Variants in MCF2L2 observed in about 807,000 individuals in gnomAD.
MCF2L2 encodes probable guanine nucleotide exchange factor MCF2L2.
Under a neutral mutation model 150.2 loss-of-function variants are expected in MCF2L2, and 102 were observed. The observed-to-expected ratio is 0.68, with a 90% CI of 0.58 to 0.80. The LOEUF (loss-of-function observed/expected upper bound fraction) is 0.80. Ranked by LOEUF, MCF2L2 falls within the 30% of genes least tolerant of loss-of-function variation. The pLI is 0.00. For missense variants in MCF2L2, 1,256 were observed against 1,372.8 expected, an observed-to-expected ratio of 0.91 and a Z score of 1.34; for synonymous variants, 465 against 491.3, an observed-to-expected ratio of 0.95 and a Z score of 0.71.
At chr3:183,317,937 A>G in intron 7 of MCF2L2, 131 bp downstream of exon 7, 1 of 1,121,038 alleles carries the variant, frequency 8.9e-7, no homozygotes, top group Non-Finnish European at 1.3e-6. Flanking sequence ...TAAGATGATC[A>G]GTGGCTTCCA....
chr3:183,426,030 C>T (rs1299103792), intron 1 of MCF2L2, among the ~76,000 whole-genome samples: 2 of 152,018 alleles, frequency 1.3e-5, no homozygotes, highest in African/African-American at 4.8e-5. Context: ...TAATGAGTAC[C>T]CCACCCATTT....
intron 22 of MCF2L2, among the ~76,000 whole-genome samples, chr3:183,211,921 A>G (rs1722737463): frequency 6.6e-6 from 1 of 152,160 alleles, no homozygotes; most frequent in South Asian, 2.1e-4. Context: ...CCCTCAAAAT[A>G]TGATCTTATT....
intron 1 of MCF2L2, among the ~76,000 whole-genome samples, chr3:183,425,722 G>A (rs1405566768): frequency 1.3e-5 from 2 of 152,098 alleles, no homozygotes; most frequent in Non-Finnish European, 2.9e-5. Flanking sequence ...CAAGGCCAAG[G>A]CAGACGGATC....
At chr3:183,180,009 A>C in intron 28 of MCF2L2, 62 bp downstream of exon 28, 2 of 1,280,610 alleles carry the variant, frequency 1.6e-6, no homozygotes, top group Non-Finnish European at 2.3e-6. Context: ...GACAGGAGGC[A>C]GGAGGAGCTG....
chr3:183,218,406 G>C (rs1289846135), intron 21 of MCF2L2, among the ~76,000 whole-genome samples: 3 of 152,162 alleles, frequency 2.0e-5, no homozygotes, highest in South Asian at 4.2e-4. Context: ...GAGGCCGAGG[G>C]GGGGAGTGGA....
At chr3:183,302,668 C>T (rs1013490817) in intron 10 of MCF2L2, among the ~76,000 whole-genome samples, 6 of 152,110 alleles carry the variant, frequency 3.9e-5, no homozygotes, top group African/African-American at 1.2e-4. Flanking sequence ...ATACGGCTTA[C>T]GGCTGGTCAC....
At chr3:183,262,171 T>G (rs1264730376) in intron 15 of MCF2L2, among the ~76,000 whole-genome samples, 9 of 150,916 alleles carry the variant, frequency 6.0e-5, no homozygotes, top group African/African-American at 2.2e-4. Context: ...TCTTGTTTTA[T>G]GATACTTTAT....
At chr3:183,263,884 A>G (rs1298913177) in intron 15 of MCF2L2, among the ~76,000 whole-genome samples, 2 of 151,586 alleles carry the variant, frequency 1.3e-5, no homozygotes, top group Non-Finnish European at 2.9e-5. Flanking sequence ...TAGGTCTTTG[A>G]TTTTCTTGAA....
intron 15 of MCF2L2, among the ~76,000 whole-genome samples, chr3:183,256,294 G>C (rs1171558575): frequency 6.6e-6 from 1 of 152,148 alleles, no homozygotes; most frequent in Non-Finnish European, 1.5e-5. Flanking sequence ...ATCTCTGTGA[G>C]CGAAGATGTA....
Position 183,178,423 on chromosome 3 carries a change from A to T in MCF2L2, c.*957T>A. On this transcript the variant is annotated 3_prime_UTR_variant, in exon 30 of 30. Coordinates refer to ENST00000328913, the MANE Select transcript of MCF2L2 (RefSeq NM_015078.4). ...AGGCGGTTTGCAGTGAGCCGAGATC[A>T]CACCACTGCACTCCAGCCTGGGCGA... 6.6e-6 allele frequency: 1 copy of T among 152,124 alleles called. No individual in the cohort carries two copies. The highest frequency in any genetic ancestry group is 1.5e-5 in the Non-Finnish European group (1 of 68,012). The allele number at this position is 152,124 out of a possible 1,614,324, so 9.4% of individuals were successfully genotyped here.
In MCF2L2 at chr3:183,338,840, C is replaced by A; in HGVS notation, c.446G>T (p.Gly149Val). ...RFIQRTFTDI[G>V]IKYYRNEFKT... ...AAACTCATTTCGATAGTATTTAATG[C>A]CAATGTCAGTGAATGTCCTCTGGAT... Residue 149 changes from glycine (G) to valine (V), a missense_variant, in exon 5 of 30, where the codon GGC becomes GTC. Coordinates refer to ENST00000328913, the MANE Select transcript of MCF2L2 (RefSeq NM_015078.4). 1 of 1,605,732 alleles carries A rather than the reference C, an allele frequency of 6.2e-7. No homozygotes were observed. Among genetic ancestry groups the A allele is most frequent in the South Asian group, 1.1e-5 (1 of 90,236 alleles).
intron 20 of MCF2L2, among the ~76,000 whole-genome samples, chr3:183,221,391 G>A (rs1376630201): frequency 1.3e-5 from 2 of 152,208 alleles, no homozygotes; most frequent in Non-Finnish European, 2.9e-5. Flanking sequence ...TTCTATAGGT[G>A]AGAAATCTGA....
intron 1 of MCF2L2, among the ~76,000 whole-genome samples, chr3:183,395,306 C>T (rs1187188537): frequency 6.6e-6 from 1 of 151,916 alleles, no homozygotes; most frequent in Non-Finnish European, 1.5e-5. Context: ...GTCAAGGACA[C>T]AAAAATCCTA....
chr3:183,203,178 A>G (rs1385652888), intron 25 of MCF2L2, among the ~76,000 whole-genome samples: 3 of 152,126 alleles, frequency 2.0e-5, no homozygotes, highest in Non-Finnish European at 2.9e-5. Flanking sequence ...ATGCCATTGC[A>G]CTCCAGCCTG....
At chr3:183,407,937 A>G (rs78849496) in intron 1 of MCF2L2, among the ~76,000 whole-genome samples, 24,938 of 152,062 alleles carry the variant, frequency 0.16, 2,221 homozygotes, top group South Asian at 0.22. Flanking sequence ...GAAAGATGCT[A>G]TGGGGTATGG....
intron 1 of MCF2L2, among the ~76,000 whole-genome samples, chr3:183,416,099 A>G (rs571072507): frequency 1.4e-4 from 22 of 152,086 alleles, no homozygotes; most frequent in Admixed American, 2.6e-4. Flanking sequence ...GATTTATACT[A>G]ACTTAATTAA....
At chr3:183,409,604 G>T (rs937633922) in intron 1 of MCF2L2, among the ~76,000 whole-genome samples, 2 of 149,164 alleles carry the variant, frequency 1.3e-5, no homozygotes, top group African/African-American at 5.0e-5. Context: ...GCCCAGGCTG[G>T]AGTGCGATGG....
intron 14 of MCF2L2, among the ~76,000 whole-genome samples, chr3:183,282,438 G>A (rs1244357501): frequency 2.6e-5 from 4 of 152,124 alleles, no homozygotes; most frequent in Non-Finnish European, 4.4e-5. Context: ...TACTCTAAAC[G>A]CTATTGGCAA....
intron 15 of MCF2L2, chr3:183,272,789 T>C (rs946947901): frequency 5.2e-6 from 6 of 1,146,302 alleles, no homozygotes; most frequent in South Asian, 3.7e-5. Flanking sequence ...ATATATACCC[T>C]GTGTATCTAT....
Sources: gnomAD v4.1 joint callset for allele counts (sites outside exome capture counted in the v4.1 genomes callset) on GRCh38, gnomAD v4.1.1 for gene constraint, MANE v1.5 for transcripts, NCBI Gene and HGNC (gene_info 2026-07-23, HGNC 2026-07-21) for gene names.